The following ARHGAP26 variants were observed in gnomAD, a reference collection of about 807,000 sequenced individuals.
The protein encoded by ARHGAP26 is rho GTPase-activating protein 26.
ARHGAP26 carries 38 observed loss-of-function variants against 104.8 expected under a neutral mutation model. The ratio of observed to expected loss-of-function variants is 0.36; its 90% CI spans 0.28 to 0.48. The LOEUF is 0.48. Ranked by LOEUF, ARHGAP26 falls within the 20% of genes least tolerant of loss-of-function variation. The pLI, the probability that ARHGAP26 is intolerant of heterozygous loss-of-function variation, is 0.99. For missense variants in ARHGAP26, 704 were observed against 947.9 expected (o/e 0.74, Z 3.38); for synonymous variants, 341 against 340.0 (o/e 1.00, Z -0.03).
intron 20 of ARHGAP26, among the ~76,000 whole-genome samples, chr5:143,179,024 C>T (rs1168571235): frequency 6.6e-6 from 1 of 152,132 alleles, no homozygotes; most frequent in East Asian, 1.9e-4. Context: ...CACCTGCCAC[C>T]ACACCTGGCT....
intron 1 of ARHGAP26, among the ~76,000 whole-genome samples, chr5:142,860,732 G>A (rs559271457): frequency 6.6e-6 from 1 of 152,134 alleles, no homozygotes; most frequent in Non-Finnish European, 1.5e-5. Context: ...CTTCTACCAC[G>A]AGCATTAATT....
intron 20 of ARHGAP26, among the ~76,000 whole-genome samples, chr5:143,176,685 C>T (rs774872577): frequency 2.0e-5 from 3 of 152,176 alleles, no homozygotes; most frequent in East Asian, 1.9e-4. Context: ...TTGGAGCCTG[C>T]GGAAGGAATT....
At chr5:142,845,662 C>T (rs1182015686) in intron 1 of ARHGAP26, among the ~76,000 whole-genome samples, 4 of 152,222 alleles carry the variant, frequency 2.6e-5, no homozygotes, top group Admixed American at 6.5e-5. Context: ...CACATATCAG[C>T]TTCTCAGTAC....
chr5:143,228,441 A>G lies in ARHGAP26; in HGVS notation c.*5995A>G, dbSNP rs1394269535. The G allele has an allele frequency of 2.7e-5, 6 of 219,338 alleles. No individual in the cohort carries two copies. The Admixed American group carries it at 2.9e-4, about 11-fold the overall frequency. The allele number at this position is 219,338 out of a possible 1,614,324, so 13.6% of individuals were successfully genotyped here. On this transcript the variant is annotated 3_prime_UTR_variant, in exon 23 of 23. Coordinates refer to ENST00000645722, the MANE Select transcript of ARHGAP26 (RefSeq NM_001135608.3). ...ATTCAGTGCCATTTTAAAACTGTTC[A>G]TATTTATCAAACAATTACTGTCTAC...
chr5:143,092,027 C>T lies in ARHGAP26; in HGVS notation c.1539-28961C>T, dbSNP rs184097229. 5.9e-3 allele frequency among the ~76,000 whole-genome samples: 904 copies of T among 152,308 alleles called. 19 individuals are homozygous for T. In the East Asian group the frequency reaches 0.078, roughly 13 times the overall value. ...ACTGTTTCTTCAATAGTTTTACATTCAGGAGGCCTAATTACTTTTAAATTA... is the reference window on the plus strand; with the variant it reads ...ACTGTTTCTTCAATAGTTTTACATTTAGGAGGCCTAATTACTTTTAAATTA... On this transcript the variant is annotated intron_variant, in intron 17 of 22. Transcript: ENST00000645722.
rs142688093 is a variant in ARHGAP26 at position 143,197,647 on chromosome 5, C to T, written c.1989-9551C>T. On this transcript the variant is annotated intron_variant, in intron 20 of 22. Transcript: ENST00000645722. Reference sequence around the variant, plus strand: ...TTTATGTTGTAGGCTGCCTTTTTACCCTTTTAATATTGTTTTTGATATGCC... The same window carrying T: ...TTTATGTTGTAGGCTGCCTTTTTACTCTTTTAATATTGTTTTTGATATGCC... Among the ~76,000 whole-genome samples the T allele has an allele frequency of 3.2e-3, 484 of 152,190 alleles. 3 individuals are homozygous for T. Among genetic ancestry groups the T allele is most frequent in the African/African-American group, 0.011 (467 of 41,518 alleles).
intron 17 of ARHGAP26, among the ~76,000 whole-genome samples, chr5:143,112,023 A>G (rs1424346752): frequency 6.6e-6 from 1 of 152,236 alleles, no homozygotes; most frequent in African/African-American, 2.4e-5. Context: ...CATTCAACAC[A>G]TGATACGCAA....
chr5:142,855,807 A>G (rs571636331), intron 1 of ARHGAP26, among the ~76,000 whole-genome samples: 1 of 152,284 alleles, frequency 6.6e-6, no homozygotes, highest in East Asian at 1.9e-4. Context: ...TGACTGACTT[A>G]TATACTCTCA....
intron 18 of ARHGAP26, among the ~76,000 whole-genome samples, chr5:143,121,449 T>C (rs1308603123): frequency 6.6e-6 from 1 of 152,238 alleles, no homozygotes; most frequent in Non-Finnish European, 1.5e-5. Flanking sequence ...TGTTATTTTA[T>C]CCTCACAACA....
At chr5:142,912,730 C>T (rs569667249) in intron 9 of ARHGAP26, among the ~76,000 whole-genome samples, 28 of 152,214 alleles carry the variant, frequency 1.8e-4, no homozygotes, top group African/African-American at 4.1e-4. Context: ...TATATCAATG[C>T]GCAGTTTCAG....
Position 143,041,844 on chromosome 5 carries a change from T to C in ARHGAP26, c.1239T>C (p.Ile413=). The C allele has an allele frequency of 1.2e-6, 2 of 1,606,408 alleles. No homozygotes were observed. Among genetic ancestry groups the C allele is most frequent in the Admixed American group, 1.7e-5 (1 of 59,200 alleles). Residue 413 remains isoleucine, a synonymous_variant, in exon 14 of 23, where the codon ATT becomes ATC. Coordinates refer to ENST00000645722, the MANE Select transcript of ARHGAP26 (RefSeq NM_001135608.3). ...TCAACGAGCAAGGGCTGTATCGAAT[T>C]GTGGGTGTCAACTCCAGAGTGCAGA... The part of the protein sequence containing the change: ...RGINEQGLYR[I]VGVNSRVQKL...
intron 11 of ARHGAP26, among the ~76,000 whole-genome samples, chr5:142,968,104 TACCACCACCATC>T (rs1202039390): frequency 1.3e-5 from 2 of 152,140 alleles, no homozygotes; most frequent in African/African-American, 4.8e-5. Context: ...CCACCACCAT[TACCACCACCATC>T]ATCATCCCTT....
chr5:143,089,785 G>A (rs1480527340), intron 17 of ARHGAP26, among the ~76,000 whole-genome samples: 1 of 152,138 alleles, frequency 6.6e-6, no homozygotes, highest in Non-Finnish European at 1.5e-5. Context: ...AAATTGTTCT[G>A]GTATTCCCCA....
intron 1 of ARHGAP26, among the ~76,000 whole-genome samples, chr5:142,812,936 T>A (rs1764386325): frequency 6.9e-6 from 1 of 145,924 alleles, no homozygotes; most frequent in Non-Finnish European, 1.5e-5. Flanking sequence ...TCTTTTTTTT[T>A]CTTTCTTTTT....
chr5:143,043,548 G>A (rs994211369), intron 14 of ARHGAP26, among the ~76,000 whole-genome samples: 1 of 152,036 alleles, frequency 6.6e-6, no homozygotes, highest in Non-Finnish European at 1.5e-5. Context: ...TGTTCCTCTG[G>A]GATAAATGTC....
chr5:143,092,194 C>G (rs1791545815), intron 17 of ARHGAP26, among the ~76,000 whole-genome samples: 1 of 118,716 alleles, frequency 8.4e-6, no homozygotes, highest in Non-Finnish European at 1.7e-5. Context: ...GAGATGGAGT[C>G]TCCCTCTCGC....
intron 20 of ARHGAP26, chr5:143,169,981 T>C (rs1429633773): frequency 1.3e-5 from 2 of 152,206 alleles, no homozygotes; most frequent in African/African-American, 4.8e-5. Flanking sequence ...AAAAACGTAT[T>C]TTATAGTTTT....
chr5:143,106,208 T>C (rs1392435204), intron 17 of ARHGAP26, among the ~76,000 whole-genome samples: 1 of 152,206 alleles, frequency 6.6e-6, no homozygotes, highest in African/African-American at 2.4e-5. Flanking sequence ...TTCTGGAAGA[T>C]GGCCTTCTGT....
chr5:142,844,681 T>C (rs1458718599), intron 1 of ARHGAP26, among the ~76,000 whole-genome samples: 1 of 151,610 alleles, frequency 6.6e-6, no homozygotes, highest in Non-Finnish European at 1.5e-5. Flanking sequence ...CTGGTCAACA[T>C]GATGACATCC....
Sources: gnomAD v4.1 joint callset for allele counts (sites outside exome capture counted in the v4.1 genomes callset) on GRCh38, gnomAD v4.1.1 for gene constraint, MANE v1.5 for transcripts, NCBI Gene and HGNC (gene_info 2026-07-23, HGNC 2026-07-21) for gene names.